Variants in SUPT3H observed in about 807,000 individuals in gnomAD.
SUPT3H encodes transcription initiation protein SPT3 homolog.
SUPT3H carries 44 observed loss-of-function variants against 44.3 expected under a neutral mutation model. That is an observed-to-expected ratio of 0.99 (90% confidence interval 0.78 to 1.28). The LOEUF (loss-of-function observed/expected upper bound fraction) is 1.28, where lower values mean the gene tolerates loss of function less well. SUPT3H is among the 50% of genes most tolerant of loss of function. The pLI, the probability that SUPT3H is intolerant of heterozygous loss-of-function variation, is 0.00. For missense variants in SUPT3H, 380 were observed against 387.1 expected (o/e 0.98, Z 0.15); for synonymous variants, 124 against 125.6 (o/e 0.99, Z 0.09).
At chr6:45,218,082 A>C (rs916445663) in intron 2 of SUPT3H, among the ~76,000 whole-genome samples, 1 of 152,164 alleles carries the variant, frequency 6.6e-6, no homozygotes, top group Non-Finnish European at 1.5e-5. Context: ...AATTGTTGAA[A>C]TATACCATTT....
intron 2 of SUPT3H, among the ~76,000 whole-genome samples, chr6:45,132,097 T>G (rs1803559727): frequency 6.6e-6 from 1 of 152,232 alleles, no homozygotes; most frequent in South Asian, 2.1e-4. Context: ...AATTTTCTAT[T>G]TAATATTTTT....
chr6:45,254,014 T>C (rs1024845623), intron 2 of SUPT3H, among the ~76,000 whole-genome samples: 1 of 151,308 alleles, frequency 6.6e-6, no homozygotes, highest in Admixed American at 6.6e-5. Context: ...TGTGAAGCAA[T>C]AGGCACCGAA....
intron 3 of SUPT3H, among the ~76,000 whole-genome samples, chr6:45,075,180 A>G (rs1794851214): frequency 6.6e-6 from 1 of 152,110 alleles, no homozygotes; most frequent in African/African-American, 2.4e-5. Context: ...TGAAAACTAT[A>G]ATTATAGTAT....
At chr6:44,836,064 T>G (rs1769815753) in intron 10 of SUPT3H, among the ~76,000 whole-genome samples, 2 of 152,292 alleles carry the variant, frequency 1.3e-5, no homozygotes, top group Admixed American at 1.3e-4. Flanking sequence ...ATATGCCCCT[T>G]TCTTTGCTGC....
At chr6:45,363,369 T>C (rs1384752305) in intron 2 of SUPT3H, among the ~76,000 whole-genome samples, 1 of 152,192 alleles carries the variant, frequency 6.6e-6, no homozygotes, top group Non-Finnish European at 1.5e-5. Flanking sequence ...GTCTGGGATT[T>C]GCTTTAAAAT....
intron 10 of SUPT3H, among the ~76,000 whole-genome samples, chr6:44,843,987 G>A (rs889201874): frequency 2.0e-5 from 3 of 151,402 alleles, no homozygotes; most frequent in African/African-American, 7.3e-5. Flanking sequence ...AAGTTGGGAG[G>A]AGGCACACTA....
At chr6:44,822,415 T>C (rs1455324922), downstream of SUPT3H, among the ~76,000 whole-genome samples, 1 of 152,228 alleles carries the variant, frequency 6.6e-6, no homozygotes, top group African/African-American at 2.4e-5. Context: ...GCTCATTGTC[T>C]TTACAGTGAA....
intron 10 of SUPT3H, among the ~76,000 whole-genome samples, chr6:44,900,296 C>A (rs1033096519): frequency 3.9e-5 from 6 of 152,348 alleles, no homozygotes; most frequent in South Asian, 4.1e-4. Flanking sequence ...TGACAGACTG[C>A]ACCTGGAAAA....
chr6:44,908,912 C>T (rs1428130153), intron 10 of SUPT3H, among the ~76,000 whole-genome samples: 1 of 152,066 alleles, frequency 6.6e-6, no homozygotes, highest in Non-Finnish European at 1.5e-5. Context: ...GGTTTAGAAA[C>T]TCTAAATTAT....
intron 2 of SUPT3H, among the ~76,000 whole-genome samples, chr6:45,281,396 T>A (rs371903408): frequency 6.6e-6 from 1 of 152,208 alleles, no homozygotes; most frequent in Non-Finnish European, 1.5e-5. Flanking sequence ...CCCACCCTAA[T>A]ACTGCGCTTT....
chr6:45,205,634 T>C (rs985179737), intron 2 of SUPT3H, among the ~76,000 whole-genome samples: 2 of 151,876 alleles, frequency 1.3e-5, no homozygotes, highest in African/African-American at 4.8e-5. Flanking sequence ...CCATCTCTAC[T>C]AAAAATACAA....
chr6:45,271,022 T>C (rs1332950365), intron 2 of SUPT3H, among the ~76,000 whole-genome samples: 1 of 152,166 alleles, frequency 6.6e-6, no homozygotes, highest in East Asian at 1.9e-4. Context: ...GAGAGATAAT[T>C]TAGGGTATCT....
At chr6:45,043,999 T>C (rs1258663719) in intron 3 of SUPT3H, among the ~76,000 whole-genome samples, 1 of 152,146 alleles carries the variant, frequency 6.6e-6, no homozygotes, top group Non-Finnish European at 1.5e-5. Context: ...TCAAGAAAAA[T>C]ACATTTTTCC....
At chr6:45,253,764 G>C (rs113570931) in intron 2 of SUPT3H, among the ~76,000 whole-genome samples, 3,021 of 150,190 alleles carry the variant, frequency 0.02, 39 homozygotes, top group Non-Finnish European at 0.032. Context: ...CTACACCCGA[G>C]GCAACAGACC....
chr6:44,937,359 T>C (rs141490470), intron 9 of SUPT3H, among the ~76,000 whole-genome samples: 14 of 152,126 alleles, frequency 9.2e-5, no homozygotes, highest in African/African-American at 3.1e-4. Flanking sequence ...CCAGGTGTGA[T>C]GGCACTTGCC....
At chr6:45,227,173 ATAGT>A (rs1364813533) in intron 2 of SUPT3H, among the ~76,000 whole-genome samples, 1 of 151,714 alleles carries the variant, frequency 6.6e-6, no homozygotes, top group Non-Finnish European at 1.5e-5. Context: ...CTATTTAATG[ATAGT>A]TAGTATATGA....
At chr6:45,145,932 T>C (rs879730372) in intron 2 of SUPT3H, among the ~76,000 whole-genome samples, 64 of 152,082 alleles carry the variant, frequency 4.2e-4, no homozygotes, top group Admixed American at 1.6e-3. Flanking sequence ...ACATCACTAA[T>C]GATCAGGGAA....
At chr6:44,978,769 T>A (rs9472414) in intron 6 of SUPT3H, among the ~76,000 whole-genome samples, 36,269 of 151,784 alleles carry the variant, frequency 0.24, 4,563 homozygotes, top group Admixed American at 0.37. Flanking sequence ...AGGGTGAGGG[T>A]GAAAGTAGGG....
At chr6:44,979,448 T>G (rs1258594851) in intron 6 of SUPT3H, among the ~76,000 whole-genome samples, 1 of 152,194 alleles carries the variant, frequency 6.6e-6, no homozygotes, top group Non-Finnish European at 1.5e-5. Context: ...TGATTGTTCT[T>G]TGAAAATCAT....
Sources: allele counts gnomAD v4.1 joint callset (sites outside exome capture counted in the v4.1 genomes callset), GRCh38; gene constraint gnomAD v4.1.1; transcripts MANE v1.5; gene names NCBI Gene and HGNC (gene_info 2026-07-23, HGNC 2026-07-21).